ZYG11A: variants seen among roughly 807,000 people sequenced by gnomAD.
The protein encoded by ZYG11A is protein zyg-11 homolog A.
ZYG11A carries 62 observed loss-of-function variants against 77.2 expected under a neutral mutation model. That is an observed-to-expected ratio of 0.80 (90% CI 0.65 to 0.99). The LOEUF (loss-of-function observed/expected upper bound fraction) is 0.99. ZYG11A is among the 50% of genes least tolerant of loss of function. The pLI is 0.00. For missense variants in ZYG11A, 828 were observed against 896.8 expected, an observed-to-expected ratio of 0.92 and a Z score of 0.98; for synonymous variants, 315 against 324.6, an observed-to-expected ratio of 0.97 and a Z score of 0.32.
In ZYG11A at chr1:52,842,765, C is replaced by A; in HGVS notation, c.-119C>A. The A allele has an allele frequency of 2.1e-6, 2 of 963,450 alleles. No homozygotes were observed. The highest frequency in any genetic ancestry group is 3.1e-6 in the Non-Finnish European group (2 of 654,782). 59.7% of individuals were successfully genotyped at this position (963,450 alleles called of 1,614,324 possible). On this transcript the variant is annotated 5_prime_UTR_variant, in exon 1 of 14. Transcript: ENST00000371528. The stretch of plus-strand genomic sequence containing the variant: ...GCTCGCCGGCAGGGCGCGGCGCTAG[C>A]TCCGTGTGCCTCGCAGGCGTGGTGG...
chr1:52,877,334 T>C (rs533890829), intron 8 of ZYG11A, among the ~76,000 whole-genome samples: 1 of 152,226 alleles, frequency 6.6e-6, no homozygotes, highest in Non-Finnish European at 1.5e-5. Context: ...ACTTTTGTTC[T>C]GTCTGCCTTC....
Position 52,842,761 on chromosome 1 carries a change from C to G in ZYG11A, c.-123C>G, listed in dbSNP as rs1169875549. 2 of 936,890 alleles carry G rather than the reference C, an allele frequency of 2.1e-6. No homozygotes were observed. The highest frequency in any genetic ancestry group is 3.6e-5 in the African/African-American group (2 of 56,070). 58.0% of individuals were successfully genotyped at this position (936,890 alleles called of 1,614,324 possible). On this transcript the variant is annotated 5_prime_UTR_variant, in exon 1 of 14. Transcript: ENST00000371528. The stretch of plus-strand genomic sequence containing the variant: ...AAAAGCTCGCCGGCAGGGCGCGGCG[C>G]TAGCTCCGTGTGCCTCGCAGGCGTG...
intron 10 of ZYG11A, 70 bp from the exon 11 acceptor site, chr1:52,881,401 G>GA: frequency 8.2e-7 from 1 of 1,224,712 alleles, no homozygotes; most frequent in East Asian, 2.6e-5. Context: ...GCAGGAAAGG[G>GA]AAAAAAGCCA....
chr1:52,852,370 T>A (rs1054368478), intron 1 of ZYG11A, among the ~76,000 whole-genome samples: 4 of 48,736 alleles, frequency 8.2e-5, no homozygotes, highest in East Asian at 2.1e-4. Context: ...TAGAGCAAAT[T>A]TTTTTTTTTT....
chr1:52,884,412 C>T (rs553928600), intron 11 of ZYG11A, among the ~76,000 whole-genome samples: 8 of 151,020 alleles, frequency 5.3e-5, no homozygotes, highest in South Asian at 4.2e-4. Context: ...AGGAGAATGA[C>T]GTGAACCTGG....
chr1:52,849,308 T>C (rs895228439), intron 1 of ZYG11A, among the ~76,000 whole-genome samples: 1 of 152,132 alleles, frequency 6.6e-6, no homozygotes, highest in African/African-American at 2.4e-5. Context: ...GACCTTGTGA[T>C]CTGCCCACCT....
At position 52,854,629 on chromosome 1, in the gene ZYG11A, A is replaced by G; in HGVS notation, c.255A>G (p.Gln85=). 6.5e-7 allele frequency: 1 copy of G among 1,530,346 alleles called. No individual in the cohort carries two copies. The highest frequency in any genetic ancestry group is 8.8e-7 in the Non-Finnish European group (1 of 1,131,800). 94.8% of individuals were successfully genotyped at this position (1,530,346 alleles called of 1,614,324 possible). ...AERFLRVMTW[Q]GKLTDRTASI... The stretch of plus-strand genomic sequence containing the variant: ...GATTTCTCAGGGTGATGACTTGGCA[A>G]GGTAGTGATAAGGCTTCTCTAAAGT... Residue 85 remains glutamine, a splice_region_variant and synonymous_variant, in exon 2 of 14, where the codon CAA becomes CAG. Coordinates refer to ENST00000371528, the MANE Select transcript of ZYG11A (RefSeq NM_001004339.3).
intron 11 of ZYG11A, among the ~76,000 whole-genome samples, chr1:52,885,083 AT>A (rs1646425908): frequency 6.6e-6 from 1 of 151,478 alleles, no homozygotes; most frequent in Non-Finnish European, 1.5e-5. Flanking sequence ...TAATTTTTGG[AT>A]TTTTTTAGTA....
chr1:52,865,525 T>G (rs1197015152), intron 5 of ZYG11A, among the ~76,000 whole-genome samples: 1 of 152,286 alleles, frequency 6.6e-6, no homozygotes, highest in Middle Eastern at 3.4e-3. Context: ...ACACAAATAT[T>G]CATGGTACCT....
intron 1 of ZYG11A, among the ~76,000 whole-genome samples, chr1:52,845,562 G>T (rs1427334016): frequency 9.3e-5 from 14 of 150,444 alleles, no homozygotes; most frequent in Non-Finnish European, 1.0e-4. Flanking sequence ...GGCCTCAAGC[G>T]ACCTGCCCAT....
rs928421524 is a variant in ZYG11A at position 52,894,826 on chromosome 1, G to C, written c.*1869G>C. The C allele has an allele frequency of 6.6e-5, 10 of 152,202 alleles. No homozygotes were observed. Among genetic ancestry groups the C allele is most frequent in the African/African-American group, 2.4e-4 (10 of 41,448 alleles). The allele number at this position is 152,202 out of a possible 1,614,324, so 9.4% of individuals were successfully genotyped here. A position where few individuals can be genotyped will look rare whatever the true frequency, so the allele number is the denominator to read the frequency against. ...GGATATCTTCCTGACCTGGGTTCTA[G>C]TACCTCAGAGCATTGTTATCAGATG... On this transcript the variant is annotated 3_prime_UTR_variant, in exon 14 of 14. Transcript: ENST00000371528.
chr1:52,848,393 T>G (rs1237062018), intron 1 of ZYG11A, among the ~76,000 whole-genome samples: 2 of 152,218 alleles, frequency 1.3e-5, no homozygotes, highest in African/African-American at 4.8e-5. Flanking sequence ...CATTGTTGGT[T>G]TTTAGAAGTT....
At chr1:52,844,137 C>T (rs1645515075) in intron 1 of ZYG11A, among the ~76,000 whole-genome samples, 2 of 152,176 alleles carry the variant, frequency 1.3e-5, no homozygotes, top group African/African-American at 4.8e-5. Context: ...AGACCTCTGG[C>T]CCCACTTTGG....
intron 4 of ZYG11A, among the ~76,000 whole-genome samples, chr1:52,861,990 C>A (rs1477480009): frequency 2.0e-5 from 3 of 152,014 alleles, no homozygotes; most frequent in Non-Finnish European, 4.4e-5. Context: ...GTGGACAGAT[C>A]ACCTGAGGTC....
chr1:52,894,218 A>AG lies in ZYG11A; in HGVS notation c.*1262dup, dbSNP rs1365530675. ...GGCGTGGTGGGACTTAGGCATTTGC[A>AG]GACAGTGTTTAGATGAAAGATTACA... On this transcript the variant is annotated 3_prime_UTR_variant, in exon 14 of 14. Coordinates refer to ENST00000371528, the MANE Select transcript of ZYG11A (RefSeq NM_001004339.3). The AG allele has an allele frequency of 6.6e-6, 1 of 152,198 alleles. No homozygotes were observed. The highest frequency in any genetic ancestry group is 1.5e-5 in the Non-Finnish European group (1 of 68,040). The allele number at this position is 152,198 out of a possible 1,614,324, so 9.4% of individuals were successfully genotyped here.
chr1:52,867,741 A>T lies in ZYG11A; in HGVS notation c.1506A>T (p.Gln502His). ...TTTGCTTATAGCTCTCACCTGAGCAAACGGCACAGCTTGAAGAGCTTTTCA... is the reference window on the plus strand; with the variant it reads ...TTTGCTTATAGCTCTCACCTGAGCATACGGCACAGCTTGAAGAGCTTTTCA... ...SILALQLSPE[Q>H]TAQLEELFMA... is the part of the protein sequence containing the mutation. The change falls in exon 8 of 14, where the codon CAA becomes CAT. Residue 502 changes from glutamine to histidine, a missense_variant. Transcript: ENST00000371528. 1 of 1,551,646 alleles carries T rather than the reference A, an allele frequency of 6.4e-7. No homozygotes were observed. Among genetic ancestry groups the T allele is most frequent in the Non-Finnish European group, 8.7e-7 (1 of 1,146,994 alleles).
intron 4 of ZYG11A, among the ~76,000 whole-genome samples, chr1:52,861,787 C>T (rs1215427816): frequency 6.6e-6 from 1 of 152,048 alleles, no homozygotes; most frequent in Non-Finnish European, 1.5e-5. Context: ...TGTGGTGGCT[C>T]ATGCCTGTAA....
chr1:52,849,146 C>G (rs1024814085), intron 1 of ZYG11A, among the ~76,000 whole-genome samples: 1 of 152,116 alleles, frequency 6.6e-6, no homozygotes, highest in African/African-American at 2.4e-5. Flanking sequence ...TCACTGTAAC[C>G]TCCGATTCCC....
At chr1:52,843,436 G>A (rs1289538075) in intron 1 of ZYG11A, among the ~76,000 whole-genome samples, 1 of 152,202 alleles carries the variant, frequency 6.6e-6, no homozygotes, top group Non-Finnish European at 1.5e-5. Context: ...GCGCCCCGCG[G>A]AGGCGGTGAC....
Sources: allele counts gnomAD v4.1 joint callset (sites outside exome capture counted in the v4.1 genomes callset), GRCh38; gene constraint gnomAD v4.1.1; transcripts MANE v1.5; gene names NCBI Gene and HGNC (gene_info 2026-07-23, HGNC 2026-07-21).